Variants in SOX6 observed in about 807,000 individuals in gnomAD.
SOX6 encodes SRY-box transcription factor 6, also known as transcription factor SOX-6.
Under a neutral mutation model 97.8 loss-of-function variants are expected in SOX6, and 11 were observed. The ratio of observed to expected loss-of-function variants is 0.11; its 90% CI spans 0.07 to 0.19. The LOEUF is 0.19. Among genes scored for constraint, SOX6 ranks in the 10% least tolerant of loss-of-function variants. The pLI, the probability that SOX6 is intolerant of heterozygous loss-of-function variation, is 1.00. For missense variants in SOX6, 810 were observed against 1,039.5 expected, an observed-to-expected ratio of 0.78 and a Z score of 3.04; for synonymous variants, 360 against 371.4, an observed-to-expected ratio of 0.97 and a Z score of 0.35.
intron 12 of SOX6, among the ~76,000 whole-genome samples, chr11:16,033,518 G>A (rs1360723634): frequency 6.6e-6 from 1 of 152,130 alleles, no homozygotes; most frequent in African/African-American, 2.4e-5. Flanking sequence ...TCAAATTGGT[G>A]GTCTGGAATA....
chr11:16,371,283 G>C (rs1453921367), intron 1 of SOX6, among the ~76,000 whole-genome samples: 1 of 151,808 alleles, frequency 6.6e-6, no homozygotes, highest in East Asian at 1.9e-4. Context: ...ATATCTGCAT[G>C]GTTCCCTTTC....
intron 4 of SOX6, among the ~76,000 whole-genome samples, chr11:16,577,793 G>C (rs1847997025): frequency 6.6e-6 from 1 of 152,054 alleles, no homozygotes; most frequent in Non-Finnish European, 1.5e-5. Context: ...TTATTGTTGA[G>C]TTGTAATAGT....
chr11:16,553,012 T>C (rs1847706924), intron 4 of SOX6, among the ~76,000 whole-genome samples: 1 of 152,180 alleles, frequency 6.6e-6, no homozygotes, highest in Admixed American at 6.5e-5. Flanking sequence ...GATATAAGTA[T>C]TACATTACAT....
chr11:16,038,996 A>C (rs1214124606), intron 12 of SOX6, among the ~76,000 whole-genome samples: 1 of 152,142 alleles, frequency 6.6e-6, no homozygotes, highest in Non-Finnish European at 1.5e-5. Context: ...TATGTTGTAG[A>C]AATACTGTGG....
At chr11:16,639,079 C>G (rs749578997) in intron 3 of SOX6, among the ~76,000 whole-genome samples, 1 of 150,888 alleles carries the variant, frequency 6.6e-6, no homozygotes, top group East Asian at 1.9e-4. Flanking sequence ...TTTAATCCAT[C>G]TTAATTTTTG....
At chr11:16,095,913 TTAAA>T in intron 9 of SOX6, 79 bp downstream of exon 9, 1 of 1,348,780 alleles carries the variant, frequency 7.4e-7, no homozygotes, top group Non-Finnish European at 1.0e-6. Flanking sequence ...GTTTGCCACT[TTAAA>T]AAAAAAAAAA....
At chr11:16,226,440 C>T (rs1290340992) in intron 4 of SOX6, among the ~76,000 whole-genome samples, 2 of 151,966 alleles carry the variant, frequency 1.3e-5, no homozygotes, top group African/African-American at 4.8e-5. Context: ...GCACATTGCC[C>T]AGGGAGGCAC....
intron 3 of SOX6, among the ~76,000 whole-genome samples, chr11:16,657,481 A>G (rs1442483557): frequency 2.0e-5 from 3 of 152,330 alleles, no homozygotes; most frequent in East Asian, 3.9e-4. Flanking sequence ...TTGCTAGATC[A>G]TATTGTAAGA....
intron 4 of SOX6, among the ~76,000 whole-genome samples, chr11:16,529,488 A>G (rs893314511): frequency 6.6e-6 from 1 of 152,132 alleles, no homozygotes; most frequent in Non-Finnish European, 1.5e-5. Context: ...AGGCATGAGA[A>G]GAAAACTGCA....
At chr11:16,415,513 G>A (rs1858909134) in intron 1 of SOX6, among the ~76,000 whole-genome samples, 1 of 152,034 alleles carries the variant, frequency 6.6e-6, no homozygotes, top group Admixed American at 6.6e-5. Context: ...GGTGACTATA[G>A]TTAACAATTT....
At chr11:16,308,522 A>G (rs1855504442) in intron 3 of SOX6, among the ~76,000 whole-genome samples, 1 of 152,198 alleles carries the variant, frequency 6.6e-6, no homozygotes, top group Admixed American at 6.5e-5. Context: ...AGGATTCTCA[A>G]GTTAAACATT....
chr11:16,439,810 C>T (rs775429969), intron 1 of SOX6, among the ~76,000 whole-genome samples: 1 of 152,180 alleles, frequency 6.6e-6, no homozygotes, highest in Non-Finnish European at 1.5e-5. Context: ...ATAATTCCTA[C>T]ACTATGTAAT....
At chr11:16,244,060 C>G (rs572996620) in intron 3 of SOX6, among the ~76,000 whole-genome samples, 3 of 151,764 alleles carry the variant, frequency 2.0e-5, no homozygotes, top group Admixed American at 6.6e-5. Context: ...AATTGGGGAG[C>G]TATGTGCCTG....
intron 3 of SOX6, among the ~76,000 whole-genome samples, chr11:16,619,131 G>C (rs1437876922): frequency 2.0e-5 from 3 of 151,646 alleles, no homozygotes; most frequent in Non-Finnish European, 4.4e-5. Context: ...ACTGAAAATC[G>C]TGTGACTTTA....
chr11:16,264,482 T>C (rs1295833912), intron 3 of SOX6: 1 of 152,018 alleles, frequency 6.6e-6, no homozygotes, highest in African/African-American at 2.4e-5. Flanking sequence ...ATCACTCTCC[T>C]ATATGCATAT....
At chr11:16,242,211 A>G (rs1392887899) in intron 3 of SOX6, among the ~76,000 whole-genome samples, 1 of 152,070 alleles carries the variant, frequency 6.6e-6, no homozygotes, top group African/African-American at 2.4e-5. Context: ...ATAATGTCAT[A>G]TATTTACTGT....
chr11:16,609,130 G>A (rs2133981565), intron 4 of SOX6, among the ~76,000 whole-genome samples: 1 of 152,294 alleles, frequency 6.6e-6, no homozygotes, highest in East Asian at 1.9e-4. Context: ...CCAGGACAGG[G>A]AATAATCATG....
chr11:15,990,872 T>G (rs940772956), intron 13 of SOX6, among the ~76,000 whole-genome samples: 6 of 152,328 alleles, frequency 3.9e-5, no homozygotes, highest in African/African-American at 1.4e-4. Flanking sequence ...ACCAACATGA[T>G]TCAATCAATC....
At chr11:16,223,752 T>C (rs748775511) in intron 4 of SOX6, among the ~76,000 whole-genome samples, 1 of 152,164 alleles carries the variant, frequency 6.6e-6, no homozygotes, top group Non-Finnish European at 1.5e-5. Flanking sequence ...CACCATTTCC[T>C]GGTAAGCAAT....
Sources: allele counts gnomAD v4.1 joint callset (sites outside exome capture counted in the v4.1 genomes callset), GRCh38; gene constraint gnomAD v4.1.1; transcripts MANE v1.5; gene names NCBI Gene and HGNC (gene_info 2026-07-23, HGNC 2026-07-21).